DPYSL3: variants seen among roughly 807,000 people sequenced by gnomAD.
DPYSL3 encodes dihydropyrimidinase-related protein 3.
Under a neutral mutation model 66.1 loss-of-function variants are expected in DPYSL3, and 16 were observed. The ratio of observed to expected loss-of-function variants is 0.24; its 90% CI spans 0.16 to 0.37. The LOEUF is 0.37. DPYSL3 is among the 10% of genes least tolerant of loss of function. The pLI is 1.00. For synonymous variants in DPYSL3, 338 were observed against 345.1 expected (o/e 0.98, Z 0.23); for missense variants, 738 against 916.2 (o/e 0.81, Z 2.51).
At chr5:147,427,901 G>A (rs913638877) in intron 1 of DPYSL3, among the ~76,000 whole-genome samples, 11 of 152,162 alleles carry the variant, frequency 7.2e-5, no homozygotes, top group African/African-American at 2.7e-4. Context: ...ACTAAACTGG[G>A]TTTTGGAAAG....
intron 7 of DPYSL3, among the ~76,000 whole-genome samples, chr5:147,406,894 A>ATT (rs1345382850): frequency 6.6e-6 from 1 of 152,220 alleles, no homozygotes; most frequent in African/African-American, 2.4e-5. Flanking sequence ...CTCAGCAGAC[A>ATT]GACCTAAGAA....
intron 2 of DPYSL3, among the ~76,000 whole-genome samples, chr5:147,423,558 T>G (rs561413432): frequency 6.6e-6 from 1 of 151,490 alleles, no homozygotes; most frequent in African/African-American, 2.4e-5. Context: ...TTATCAAAAT[T>G]TTTTGTGCTA....
intron 1 of DPYSL3, among the ~76,000 whole-genome samples, chr5:147,441,792 G>T (rs1752537321): frequency 6.6e-6 from 1 of 152,096 alleles, no homozygotes; most frequent in Non-Finnish European, 1.5e-5. Flanking sequence ...CCCTAGCCAA[G>T]CAAGGCTGTT....
intron 1 of DPYSL3, among the ~76,000 whole-genome samples, chr5:147,479,299 G>A (rs1361303646): frequency 6.6e-6 from 1 of 152,200 alleles, no homozygotes; most frequent in Non-Finnish European, 1.5e-5. Context: ...CCCTGGTTGT[G>A]TCTACTCCAC....
intron 2 of DPYSL3, among the ~76,000 whole-genome samples, chr5:147,424,221 G>A (rs1430974712): frequency 6.6e-6 from 1 of 152,146 alleles, no homozygotes; most frequent in Non-Finnish European, 1.5e-5. Context: ...GCCAGACAGG[G>A]CTAATAGAAT....
chr5:147,501,464 T>C (rs1486836023), intron 1 of DPYSL3, among the ~76,000 whole-genome samples: 1 of 151,192 alleles, frequency 6.6e-6, no homozygotes, highest in Non-Finnish European at 1.5e-5. Flanking sequence ...AACTATGGAT[T>C]TGTGGTGATA....
chr5:147,410,928 C>T (rs3792846), intron 6 of DPYSL3, among the ~76,000 whole-genome samples: 7,617 of 152,196 alleles, frequency 0.05, 465 homozygotes, highest in East Asian at 0.19. Context: ...AGGGAAATAG[C>T]AGCGGGAGGG....
rs1483133713 is a variant in DPYSL3, at chr5:147,494,229, C to G, written c.381+15249G>C. 2.0e-5 allele frequency among the ~76,000 whole-genome samples: 3 copies of G among 152,022 alleles called. No individual in the cohort carries two copies. In the East Asian group the frequency reaches 5.8e-4, roughly 29 times the overall value. ...GCTAAAGCAGTGCTTAGAGGGAAAT[C>G]TATTACATTGAATACATGTATTAAA... On this transcript the variant is annotated intron_variant, in intron 1 of 13. Transcript: ENST00000343218.
In DPYSL3 at chr5:147,492,736, C is replaced by CA. The variant is rs551711849; in HGVS notation, c.381+16741dup. ...CATATAAAATTCTCAGTTAAAACCACAAAAAACAGAAAAATTATAGAAGAC... is the reference window on the plus strand; with the variant it reads ...CATATAAAATTCTCAGTTAAAACCACAAAAAAACAGAAAAATTATAGAAGAC... On this transcript the variant is annotated intron_variant, in intron 1 of 13. Coordinates refer to ENST00000343218, the MANE Select transcript of DPYSL3 (RefSeq NM_001197294.2). 1.4e-3 allele frequency among the ~76,000 whole-genome samples: 207 copies of CA among 151,982 alleles called. 1 individual carries two copies. The highest frequency in any genetic ancestry group is 6.8e-3 in the Middle Eastern group (2 of 294).
chr5:147,425,082 C>T, intron 1 of DPYSL3, 119 bp from the exon 2 acceptor site: 1 of 684,850 alleles, frequency 1.5e-6, no homozygotes, highest in South Asian at 2.0e-5. Context: ...TTACCAAAGA[C>T]ATATGTGTGC....
At position 147,392,423 on chromosome 5, in the gene DPYSL3, T is replaced by G. The variant is rs944471309; in HGVS notation, c.*1612A>C. 3 of 152,222 alleles carry G rather than the reference T, an allele frequency of 2.0e-5. No individual in the cohort carries two copies. The South Asian group carries it at 6.2e-4, about 32-fold the overall frequency. 9.4% of individuals were successfully genotyped at this position (152,222 alleles called of 1,614,324 possible). A position where few individuals can be genotyped will look rare whatever the true frequency, so the allele number is the denominator to read the frequency against. ...AAACCTGCAGTCAGAGACAATGGTT[T>G]CTCCTAAGCAATTAAAAGGTGTCTG... On this transcript the variant is annotated 3_prime_UTR_variant, in exon 14 of 14. Coordinates refer to ENST00000343218, the MANE Select transcript of DPYSL3 (RefSeq NM_001197294.2).
chr5:147,509,753 C>A lies in DPYSL3; in HGVS notation c.106G>T (p.Gly36Cys), dbSNP rs1753733050. 1 of 1,535,892 alleles carries A rather than the reference C, an allele frequency of 6.5e-7. No homozygotes were observed. The highest frequency in any genetic ancestry group is 8.7e-7 in the Non-Finnish European group (1 of 1,146,824). ...TDQVPRQKYG[G>C]MFCNVEGAFE... is the part of the protein sequence containing the mutation. ...GCGCCCTCCACGTTGCAGAACATGC[C>A]GCCGTATTTCTGCCGCGGGACCTGG... Residue 36 changes from glycine to cysteine, a missense_variant, in exon 1 of 14, where the codon GGC becomes TGC. Physicochemically the swap from Gly to Cys is radical, Grantham distance 159. Coordinates refer to ENST00000343218, the MANE Select transcript of DPYSL3 (RefSeq NM_001197294.2). The surrounding 1 kb of genome is among the most constrained non-coding windows in gnomAD (Gnocchi z 5.3).
intron 12 of DPYSL3, among the ~76,000 whole-genome samples, chr5:147,396,710 A>T (rs116312761): frequency 0.02 from 3,111 of 152,258 alleles, 98 homozygotes; most frequent in African/African-American, 0.071. Flanking sequence ...TCAGAATCTA[A>T]ATCACACTCA....
chr5:147,422,766 A>G (rs1752107617), intron 2 of DPYSL3, among the ~76,000 whole-genome samples: 1 of 151,976 alleles, frequency 6.6e-6, no homozygotes, highest in East Asian at 1.9e-4. Flanking sequence ...AGGAAACCAA[A>G]CACCGCATGT....
At chr5:147,400,567 A>G in intron 10 of DPYSL3, 125 bp downstream of exon 10, 2 of 1,313,064 alleles carry the variant, frequency 1.5e-6, no homozygotes, top group Non-Finnish European at 2.1e-6. Context: ...TTCCAGAGAC[A>G]TCTCAGCAAG....
chr5:147,488,987 C>T (rs534777339), intron 1 of DPYSL3, among the ~76,000 whole-genome samples: 2 of 151,464 alleles, frequency 1.3e-5, no homozygotes, highest in African/African-American at 4.8e-5. Context: ...TGTACTCCAG[C>T]CTGGGCAACA....
At chr5:147,440,647 A>G (rs529428925) in intron 1 of DPYSL3, among the ~76,000 whole-genome samples, 68 of 152,328 alleles carry the variant, frequency 4.5e-4, no homozygotes, top group African/African-American at 1.6e-3. Flanking sequence ...AAATCTAATT[A>G]TGCTATCTTT....
At chr5:147,487,271 T>C (rs1472765637) in intron 1 of DPYSL3, among the ~76,000 whole-genome samples, 1 of 152,234 alleles carries the variant, frequency 6.6e-6, no homozygotes, top group Non-Finnish European at 1.5e-5. Context: ...CTCCATTTCA[T>C]AAATTTGCAT....
intron 1 of DPYSL3, among the ~76,000 whole-genome samples, chr5:147,480,443 C>G (rs1036414110): frequency 6.6e-6 from 1 of 152,088 alleles, no homozygotes; most frequent in African/African-American, 2.4e-5. Context: ...TGTGTATAAT[C>G]GACTCTCTGT....
Sources: allele counts gnomAD v4.1 joint callset (sites outside exome capture counted in the v4.1 genomes callset), GRCh38; gene constraint gnomAD v4.1.1; non-coding constraint Gnocchi (gnomAD v3.1); transcripts MANE v1.5; gene names NCBI Gene and HGNC (gene_info 2026-07-23, HGNC 2026-07-21).